EYS: variants seen among roughly 807,000 people sequenced by gnomAD.
EYS encodes the protein protein eyes shut homolog.
Under a neutral mutation model 282.1 loss-of-function variants are expected in EYS, and 250 were observed. The observed-to-expected ratio is 0.89, with a 90% CI of 0.80 to 0.98. The LOEUF is 0.98. Among genes scored for constraint, EYS ranks in the 50% least tolerant of loss-of-function variants. The probability of loss-of-function intolerance (pLI) is 0.00; values close to 1 mark genes in which losing one functional copy is unlikely to be tolerated. For missense variants in EYS, 4,016 were observed against 3,709.0 expected, an observed-to-expected ratio of 1.08 and a Z score of -2.15; for synonymous variants, 1,355 against 1,282.9, an observed-to-expected ratio of 1.06 and a Z score of -1.20.
chr6:63,773,039 C>G (rs1398384775), intron 40 of EYS, among the ~76,000 whole-genome samples: 2 of 151,774 alleles, frequency 1.3e-5, no homozygotes, highest in African/African-American at 4.8e-5. Flanking sequence ...TATAAAAGGT[C>G]TTTTTTTTAT....
chr6:65,247,987 C>A (rs1211544116), intron 12 of EYS, among the ~76,000 whole-genome samples: 1 of 151,892 alleles, frequency 6.6e-6, no homozygotes, highest in Non-Finnish European at 1.5e-5. Flanking sequence ...AAAGACCATA[C>A]ATTTGTGATT....
chr6:64,513,748 G>A (rs890495587), intron 26 of EYS, among the ~76,000 whole-genome samples: 4 of 151,930 alleles, frequency 2.6e-5, no homozygotes, highest in East Asian at 1.9e-4. Flanking sequence ...ATTATAATTA[G>A]TGTAAAATTT....
chr6:63,795,685 T>C (rs1323838043), intron 37 of EYS, among the ~76,000 whole-genome samples: 1 of 152,184 alleles, frequency 6.6e-6, no homozygotes, highest in Admixed American at 6.5e-5. Flanking sequence ...CTATTTATAC[T>C]GGTAGTTCTC....
intron 13 of EYS, among the ~76,000 whole-genome samples, chr6:65,046,121 C>T (rs933696878): frequency 6.6e-6 from 1 of 151,808 alleles, no homozygotes; most frequent in Admixed American, 6.6e-5. Context: ...CTATTAATTT[C>T]TCTTTATTTC....
intron 26 of EYS, among the ~76,000 whole-genome samples, chr6:64,514,028 T>C (rs542277013): frequency 6.6e-6 from 1 of 151,794 alleles, no homozygotes; most frequent in South Asian, 2.1e-4. Context: ...GTAGAAATAA[T>C]TACGATGCCT....
At chr6:65,138,515 T>C (rs1776086165) in intron 12 of EYS, among the ~76,000 whole-genome samples, 1 of 152,068 alleles carries the variant, frequency 6.6e-6, no homozygotes. Flanking sequence ...TGGCTAACAA[T>C]CCTGGACATT....
chr6:65,086,048 C>A (rs1774361452), intron 12 of EYS, among the ~76,000 whole-genome samples: 1 of 144,816 alleles, frequency 6.9e-6, no homozygotes, highest in Non-Finnish European at 1.5e-5. Flanking sequence ...TTTTTAAATC[C>A]TTCTCTATTG....
intron 22 of EYS, among the ~76,000 whole-genome samples, chr6:64,717,446 A>G (rs1277264446): frequency 1.3e-5 from 2 of 152,170 alleles, no homozygotes; most frequent in African/African-American, 4.8e-5. Context: ...ACAGTTCACA[A>G]TAGAGTTTGG....
chr6:64,889,646 CATAAAT>C (rs954077741), intron 18 of EYS, among the ~76,000 whole-genome samples: 4 of 152,028 alleles, frequency 2.6e-5, no homozygotes, highest in Non-Finnish European at 5.9e-5. Context: ...AATCTCTAAA[CATAAAT>C]TGTGAAGATT....
At chr6:63,921,815 A>G (rs1189603434) in intron 35 of EYS, among the ~76,000 whole-genome samples, 1 of 152,250 alleles carries the variant, frequency 6.6e-6, no homozygotes, top group African/African-American at 2.4e-5. Flanking sequence ...TGAGAGGTCC[A>G]TTCAAACATC....
At chr6:65,493,952 TCTA>T (rs2127269862) in intron 4 of EYS, among the ~76,000 whole-genome samples, 1 of 152,264 alleles carries the variant, frequency 6.6e-6, no homozygotes, top group African/African-American at 2.4e-5. Context: ...CCTAACTTCC[TCTA>T]CTGAGATGCA....
chr6:63,807,348 G>C (rs1770932645), intron 36 of EYS, among the ~76,000 whole-genome samples: 1 of 152,148 alleles, frequency 6.6e-6, no homozygotes, highest in African/African-American at 2.4e-5. Flanking sequence ...CTCCAGGGAA[G>C]CTGTAAAATT....
At chr6:65,212,882 GATA>G (rs1766208548) in intron 12 of EYS, among the ~76,000 whole-genome samples, 1 of 144,406 alleles carries the variant, frequency 6.9e-6, no homozygotes, top group Non-Finnish European at 1.5e-5. Flanking sequence ...ACATTCTTAT[GATA>G]ATATGTAAAA....
chr6:65,304,004 TCCC>T, intron 11 of EYS: 1 of 1,073,128 alleles, frequency 9.3e-7, no homozygotes, highest in Non-Finnish European at 1.5e-6. Flanking sequence ...CAGCACCAGC[TCCC>T]CGTCTCAACA....
At chr6:64,863,200 G>A (rs369435569) in intron 19 of EYS, among the ~76,000 whole-genome samples, 74 of 151,696 alleles carry the variant, frequency 4.9e-4, no homozygotes, top group African/African-American at 1.6e-3. Context: ...TATTTTCTTC[G>A]CCATGCATTG....
chr6:64,932,369 T>C (rs1276147227), intron 15 of EYS, among the ~76,000 whole-genome samples: 2 of 152,050 alleles, frequency 1.3e-5, no homozygotes, highest in Non-Finnish European at 2.9e-5. Flanking sequence ...TGACTAAAAA[T>C]TCACTCTTAT....
At chr6:63,875,228 A>G (rs1266903931) in intron 35 of EYS, among the ~76,000 whole-genome samples, 3 of 152,216 alleles carry the variant, frequency 2.0e-5, no homozygotes, top group Non-Finnish European at 4.4e-5. Context: ...TATTGAGATA[A>G]TCATGTGGTT....
At chr6:65,590,920 T>A (rs564727549) in intron 2 of EYS, among the ~76,000 whole-genome samples, 27 of 152,116 alleles carry the variant, frequency 1.8e-4, no homozygotes, top group South Asian at 1.5e-3. Context: ...CTATTGTGAA[T>A]AGTGCTACAA....
At chr6:65,623,012 A>C (rs1458510854) in intron 2 of EYS, among the ~76,000 whole-genome samples, 1 of 151,468 alleles carries the variant, frequency 6.6e-6, no homozygotes, top group Admixed American at 6.6e-5. Context: ...CCCACTTCAG[A>C]CTCCCAAAGT....
Sources: allele counts gnomAD v4.1 joint callset (sites outside exome capture counted in the v4.1 genomes callset), GRCh38; gene constraint gnomAD v4.1.1; transcripts MANE v1.5; gene names NCBI Gene and HGNC (gene_info 2026-07-23, HGNC 2026-07-21).